Variants in ALK observed in about 807,000 individuals in gnomAD.
ALK encodes the protein ALK receptor tyrosine kinase.
Under a neutral mutation model 163.1 loss-of-function variants are expected in ALK, and 74 were observed. The observed-to-expected ratio is 0.45, with a 90% CI of 0.38 to 0.55. The LOEUF (loss-of-function observed/expected upper bound fraction) is 0.55. ALK is among the 20% of genes least tolerant of loss of function. The probability of loss-of-function intolerance (pLI) is 0.00; values close to 1 mark genes in which losing one functional copy is unlikely to be tolerated. For missense variants in ALK, 2,063 were observed against 2,105.3 expected (o/e 0.98, Z 0.39); for synonymous variants, 960 against 843.2 (o/e 1.14, Z -2.40).
At chr2:29,734,923 TG>T (rs1679850551) in intron 1 of ALK, among the ~76,000 whole-genome samples, 1 of 152,170 alleles carries the variant, frequency 6.6e-6, no homozygotes, top group African/African-American at 2.4e-5. Context: ...TATACATTCC[TG>T]GTAGAAGTAT....
chr2:29,860,222 G>T (rs944799795), intron 1 of ALK, among the ~76,000 whole-genome samples: 1 of 152,012 alleles, frequency 6.6e-6, no homozygotes, highest in African/African-American at 2.4e-5. Context: ...CACAGGTATG[G>T]GATTATTGGT....
intron 1 of ALK, among the ~76,000 whole-genome samples, chr2:29,850,987 C>T (rs1202640124): frequency 6.6e-6 from 1 of 152,224 alleles, no homozygotes; most frequent in Non-Finnish European, 1.5e-5. Flanking sequence ...TCTCACCCAG[C>T]TTCTCAATCC....
chr2:29,681,765 T>TC (rs1573551825), intron 3 of ALK, among the ~76,000 whole-genome samples: 1 of 141,296 alleles, frequency 7.1e-6, no homozygotes, highest in African/African-American at 2.5e-5. Context: ...ATTACCCCCT[T>TC]CCCCCCCTCA....
intron 6 of ALK, among the ~76,000 whole-genome samples, chr2:29,327,919 A>G (rs1297887733): frequency 6.6e-6 from 1 of 152,114 alleles, no homozygotes; most frequent in Admixed American, 6.5e-5. Context: ...GAGCAAAGCC[A>G]TGGAGGCATG....
chr2:29,723,902 G>A (rs988130536), intron 1 of ALK, among the ~76,000 whole-genome samples: 2 of 152,188 alleles, frequency 1.3e-5, no homozygotes, highest in African/African-American at 4.8e-5. Flanking sequence ...CCAGAGAGCT[G>A]CTTCGCTATT....
At chr2:29,616,125 T>C (rs1675838315) in intron 3 of ALK, among the ~76,000 whole-genome samples, 1 of 152,236 alleles carries the variant, frequency 6.6e-6, no homozygotes, top group African/African-American at 2.4e-5. Context: ...AGGCATATTA[T>C]GTCACGAGAC....
chr2:29,220,651 A>G, intron 23 of ALK, 55 bp downstream of exon 23: 1 of 1,610,746 alleles, frequency 6.2e-7, no homozygotes, highest in South Asian at 1.1e-5. Context: ...TGCTCCTTCC[A>G]TCCTTGCTCC....
intron 2 of ALK, among the ~76,000 whole-genome samples, chr2:29,700,050 C>A (rs999160772): frequency 6.6e-6 from 1 of 152,186 alleles, no homozygotes; most frequent in Non-Finnish European, 1.5e-5. Flanking sequence ...TGGTGCCATT[C>A]ATCTCTGAAG....
chr2:29,436,811 T>C (rs962328664), intron 4 of ALK, among the ~76,000 whole-genome samples: 2 of 152,148 alleles, frequency 1.3e-5, no homozygotes, highest in African/African-American at 4.8e-5. Flanking sequence ...GGCTTAGTCA[T>C]TTTAAAGTTT....
intron 4 of ALK, among the ~76,000 whole-genome samples, chr2:29,496,312 C>T (rs1034333402): frequency 2.6e-5 from 4 of 152,206 alleles, no homozygotes; most frequent in Non-Finnish European, 5.9e-5. Context: ...TGCCTTTCCT[C>T]CACAACTCAC....
At chr2:29,834,164 A>G (rs1346549643) in intron 1 of ALK, among the ~76,000 whole-genome samples, 1 of 152,224 alleles carries the variant, frequency 6.6e-6, no homozygotes, top group Non-Finnish European at 1.5e-5. Flanking sequence ...AAGGCCACAC[A>G]TCTGGTAAGG....
At chr2:29,671,788 T>C (rs1022467896) in intron 3 of ALK, among the ~76,000 whole-genome samples, 1 of 152,076 alleles carries the variant, frequency 6.6e-6, no homozygotes, top group African/African-American at 2.4e-5. Context: ...TGCTTTGGTT[T>C]TGATTTTCTA....
intron 1 of ALK, among the ~76,000 whole-genome samples, chr2:29,883,113 G>T (rs976853538): frequency 2.0e-5 from 3 of 151,728 alleles, no homozygotes; most frequent in Non-Finnish European, 4.4e-5. Context: ...AGGAAGAAAG[G>T]AAGGGAAGGG....
chr2:29,823,533 G>A (rs909826802), intron 1 of ALK, among the ~76,000 whole-genome samples: 5 of 152,196 alleles, frequency 3.3e-5, no homozygotes, highest in African/African-American at 9.7e-5. Context: ...ATGAAATCCA[G>A]CTGAGGAGGG....
intron 8 of ALK, among the ~76,000 whole-genome samples, chr2:29,302,591 C>T (rs1666402625): frequency 6.6e-6 from 1 of 152,218 alleles, no homozygotes; most frequent in Non-Finnish European, 1.5e-5. Context: ...AGAAGACACT[C>T]AACTACAGCC....
chr2:29,260,179 T>A (rs1256351812), intron 11 of ALK, among the ~76,000 whole-genome samples: 3 of 152,088 alleles, frequency 2.0e-5, no homozygotes, highest in Non-Finnish European at 4.4e-5. Flanking sequence ...AGTTTTTCTT[T>A]TATTGCAAAT....
chr2:29,744,243 C>A (rs1382286659), intron 1 of ALK, among the ~76,000 whole-genome samples: 1 of 152,114 alleles, frequency 6.6e-6, no homozygotes, highest in African/African-American at 2.4e-5. Flanking sequence ...GAAATAAGAT[C>A]CCACTATGGT....
At chr2:29,878,904 G>A (rs1666789319) in intron 1 of ALK, among the ~76,000 whole-genome samples, 1 of 152,206 alleles carries the variant, frequency 6.6e-6, no homozygotes, top group Admixed American at 6.5e-5. Context: ...GCTGGTAGAT[G>A]GAGTAGGGAG....
At chr2:29,280,750 T>G (rs185570582) in intron 9 of ALK, among the ~76,000 whole-genome samples, 197 of 149,346 alleles carry the variant, frequency 1.3e-3, no homozygotes, top group African/African-American at 4.6e-3. Context: ...TGGACCCTCT[T>G]GGACTGAGGG....
Sources: allele counts gnomAD v4.1 joint callset (sites outside exome capture counted in the v4.1 genomes callset), GRCh38; gene constraint gnomAD v4.1.1; transcripts MANE v1.5; gene names NCBI Gene and HGNC (gene_info 2026-07-23, HGNC 2026-07-21).